The following YBEY variants were observed in gnomAD, a reference collection of about 807,000 sequenced individuals.
YBEY encodes endoribonuclease YbeY.
A neutral mutation model predicts 13.5 loss-of-function variants in YBEY; 15 were observed. The observed-to-expected ratio is 1.11, with a 90% CI of 0.75 to 1.72. The LOEUF (loss-of-function observed/expected upper bound fraction) is 1.72. Among genes scored for constraint, YBEY ranks in the 40% most tolerant of loss-of-function variants. YBEY has a pLI of 0.00. For synonymous variants in YBEY, 101 were observed against 83.1 expected (o/e 1.21, Z -1.17); for missense variants, 244 against 208.4 (o/e 1.17, Z -1.05).
At chr21:46,302,030 G>C, downstream of YBEY, 1 of 1,537,076 alleles carries the variant, frequency 6.5e-7, no homozygotes, top group Non-Finnish European at 8.8e-7. Flanking sequence ...CAGGCTGGGG[G>C]CGGGCTGGAG....
At position 46,287,094 on chromosome 21, in the gene YBEY, A is replaced by C; in HGVS notation, c.181A>C (p.Thr61Pro). The C allele has an allele frequency of 1.2e-6, 2 of 1,610,012 alleles. No homozygotes were observed. Among genetic ancestry groups the C allele is most frequent in the South Asian group, 2.2e-5 (2 of 90,206 alleles). The change falls in exon 2 of 5, where the codon ACC (threonine) becomes CCC (proline). Residue 61 changes from threonine (T) to proline (P), a missense_variant. Coordinates refer to ENST00000397701, the MANE Select transcript of YBEY (RefSeq NM_001314025.2). ...AATCTACAGAGATAGAAATGTCCCA[A>C]CCGATGTGCTTTCTTTTCCATTTCA... ...NRIYRDRNVPTDVLSFPFHEH... is the reference protein window; with the variant it reads ...NRIYRDRNVPPDVLSFPFHEH...
At chr21:46,312,316 T>C in the YBEY span, among the ~76,000 whole-genome samples, 1 of 152,044 alleles carries the variant, frequency 6.6e-6, no homozygotes, top group Non-Finnish European at 1.5e-5. Context: ...ACACTTGGTA[T>C]GGTGTTTTTG....
chr21:46,286,851 T>C lies in YBEY; in HGVS notation c.-44-19T>C. 1 of 1,516,972 alleles carries C rather than the reference T, an allele frequency of 6.6e-7. No homozygotes were observed. The highest frequency in any genetic ancestry group is 9.1e-7 in the Non-Finnish European group (1 of 1,097,478). The allele number at this position is 1,516,972 out of a possible 1,614,324, so 94.0% of individuals were successfully genotyped here. On this transcript the variant is annotated intron_variant, in intron 1 of 4. Transcript: ENST00000397701. ...TTATCACTTGTACTGATTGGTCTTC[T>C]CTTACACTTTAACCCCAGGTTCCGT...
At chr21:46,294,994 A>T (rs981141390) in intron 3 of YBEY, among the ~76,000 whole-genome samples, 1 of 152,232 alleles carries the variant, frequency 6.6e-6, no homozygotes, top group African/African-American at 2.4e-5. Context: ...CTTGCCCGCC[A>T]TGCACACCCT....
chr21:46,290,348 G>C (rs1386824112), intron 2 of YBEY, among the ~76,000 whole-genome samples: 1 of 152,138 alleles, frequency 6.6e-6, no homozygotes, highest in Non-Finnish European at 1.5e-5. Flanking sequence ...TGGGGTTACA[G>C]GCATGTGCCA....
At chr21:46,301,823 C>T, downstream of YBEY, 1 of 1,262,782 alleles carries the variant, frequency 7.9e-7, no homozygotes, top group East Asian at 3.1e-5. Context: ...GGCCCCGTGA[C>T]CAGAAAGCGA....
chr21:46,299,803 C>CTACCAGG (rs1009030534), downstream of YBEY, among the ~76,000 whole-genome samples: 72 of 151,678 alleles, frequency 4.7e-4, no homozygotes, highest in African/African-American at 1.7e-3. Flanking sequence ...CCACTCCTAA[C>CTACCAGG]TACCAGGTAC....
At chr21:46,288,400 G>A (rs919177035) in intron 2 of YBEY, among the ~76,000 whole-genome samples, 14 of 152,200 alleles carry the variant, frequency 9.2e-5, no homozygotes, top group South Asian at 2.1e-4. Flanking sequence ...AGAAGAGGCC[G>A]GGTGCAGTGG....
the YBEY span, among the ~76,000 whole-genome samples, chr21:46,307,847 A>G: frequency 1.3e-5 from 2 of 152,184 alleles, no homozygotes; most frequent in African/African-American, 4.8e-5. Flanking sequence ...CAAAGCCACA[A>G]TCAACCACCA....
chr21:46,312,659 C>T, the YBEY span, among the ~76,000 whole-genome samples: 4 of 152,186 alleles, frequency 2.6e-5, no homozygotes, highest in African/African-American at 9.7e-5. Flanking sequence ...CATGAGCCAC[C>T]ATGCCCGGCC....
intron 4 of YBEY, among the ~76,000 whole-genome samples, chr21:46,296,808 A>G (rs998732081): frequency 2.6e-5 from 4 of 151,544 alleles, no homozygotes; most frequent in Non-Finnish European, 5.9e-5. Flanking sequence ...CAGCCTGGCC[A>G]ACATGGAGAA....
chr21:46,287,154 G>C, intron 2 of YBEY, 31 bp downstream of exon 2: 2 of 1,318,576 alleles, frequency 1.5e-6, no homozygotes, highest in South Asian at 1.3e-5. Flanking sequence ...TTCTTGTCTA[G>C]CCCATCTTCC....
At chr21:46,298,636 A>G (rs546654402), downstream of YBEY, among the ~76,000 whole-genome samples, 4 of 151,478 alleles carry the variant, frequency 2.6e-5, no homozygotes, top group Non-Finnish European at 4.4e-5. Flanking sequence ...TCACTGTGTT[A>G]GCCAGGATGG....
chr21:46,307,902 C>T, the YBEY span, among the ~76,000 whole-genome samples: 1 of 152,160 alleles, frequency 6.6e-6, no homozygotes, highest in Non-Finnish European at 1.5e-5. Context: ...CTGACCATAC[C>T]ACATGTTGCC....
At chr21:46,296,069 C>T in intron 3 of YBEY, 93 bp from the exon 4 acceptor site, 6 of 1,413,310 alleles carry the variant, frequency 4.2e-6, no homozygotes, top group Non-Finnish European at 6.0e-6. Flanking sequence ...CCTGCAGCCA[C>T]ATACCAAGAG....
chr21:46,304,718 C>G, the YBEY span, among the ~76,000 whole-genome samples: 3 of 152,248 alleles, frequency 2.0e-5, no homozygotes, highest in Non-Finnish European at 2.9e-5. Context: ...GCTGTATTTC[C>G]TGACACAGCC....
intron 2 of YBEY, among the ~76,000 whole-genome samples, chr21:46,287,880 G>A (rs913808631): frequency 1.3e-5 from 2 of 151,844 alleles, no homozygotes; most frequent in African/African-American, 4.8e-5. Flanking sequence ...GAGGTGGAGG[G>A]GGGCACCTAT....
chr21:46,295,208 C>A (rs908915958), intron 3 of YBEY, among the ~76,000 whole-genome samples: 3 of 152,080 alleles, frequency 2.0e-5, no homozygotes, highest in African/African-American at 7.2e-5. Context: ...CTCCCTATTA[C>A]CCTGAGGGGA....
At chr21:46,292,343 A>C (rs2081751395) in intron 3 of YBEY, 1 of 152,274 alleles carries the variant, frequency 6.6e-6, no homozygotes, top group Admixed American at 6.5e-5. Flanking sequence ...GGTTCTCCTC[A>C]GGACACCTAC....
Sources: gnomAD v4.1 joint callset for allele counts (sites outside exome capture counted in the v4.1 genomes callset) on GRCh38, gnomAD v4.1.1 for gene constraint, MANE v1.5 for transcripts, NCBI Gene and HGNC (gene_info 2026-07-23, HGNC 2026-07-21) for gene names.